Variants in ADARB2 observed in about 807,000 individuals in gnomAD.
ADARB2 encodes inactive double-stranded RNA-specific editase B2.
ADARB2 carries 25 observed loss-of-function variants against 62.2 expected under a neutral mutation model. The observed-to-expected ratio is 0.40, with a 90% CI of 0.29 to 0.56. The LOEUF (loss-of-function observed/expected upper bound fraction) is 0.56. ADARB2 is among the 20% of genes least tolerant of loss of function. ADARB2 has a pLI of 0.43. For missense variants in ADARB2, 1,071 were observed against 1,077.4 expected, an observed-to-expected ratio of 0.99 and a Z score of 0.08; for synonymous variants, 572 against 500.8, an observed-to-expected ratio of 1.14 and a Z score of -1.90.
At chr10:1,487,181 C>T (rs1227405282) in intron 1 of ADARB2, among the ~76,000 whole-genome samples, 2 of 152,240 alleles carry the variant, frequency 1.3e-5, no homozygotes, top group Non-Finnish European at 2.9e-5. Flanking sequence ...GAAAGTCAAA[C>T]CAAATCCATC....
intron 1 of ADARB2, among the ~76,000 whole-genome samples, chr10:1,430,826 A>G (rs993141646): frequency 6.6e-6 from 1 of 152,242 alleles, no homozygotes; most frequent in African/African-American, 2.4e-5. Flanking sequence ...GAGGGAAATT[A>G]TATAATGATA....
intron 6 of ADARB2, among the ~76,000 whole-genome samples, chr10:1,217,677 A>AAGTGTC (rs916568723): frequency 2.6e-5 from 4 of 152,202 alleles, no homozygotes; most frequent in Admixed American, 6.5e-5. Flanking sequence ...AACCTTGGGA[A>AAGTGTC]AGTGTCTCAA....
intron 1 of ADARB2, among the ~76,000 whole-genome samples, chr10:1,462,828 GCATGTGTGTATGTA>G (rs949835042): frequency 2.6e-5 from 4 of 152,174 alleles, no homozygotes; most frequent in Admixed American, 1.3e-4. Context: ...TGTGTAGTGT[GCATGTGTGTATGTA>G]CATGTGTGTA....
At chr10:1,716,845 T>A (rs978766491) in intron 1 of ADARB2, among the ~76,000 whole-genome samples, 17 of 152,146 alleles carry the variant, frequency 1.1e-4, no homozygotes, top group African/African-American at 3.9e-4. Flanking sequence ...GTAGAGAAGA[T>A]CTACAAGAAA....
At chr10:1,461,316 C>T (rs1391176139) in intron 1 of ADARB2, among the ~76,000 whole-genome samples, 3 of 152,190 alleles carry the variant, frequency 2.0e-5, no homozygotes, top group Non-Finnish European at 4.4e-5. Context: ...TTCATCAGAA[C>T]ACGTGTACTT....
intron 3 of ADARB2, among the ~76,000 whole-genome samples, chr10:1,329,978 CG>C (rs1831914100): frequency 7.7e-6 from 1 of 130,274 alleles, no homozygotes; most frequent in African/African-American, 2.9e-5. Context: ...TTAGATAGGA[CG>C]GGAATGTTTT....
At chr10:1,465,061 G>T (rs555863114) in intron 1 of ADARB2, among the ~76,000 whole-genome samples, 5 of 152,220 alleles carry the variant, frequency 3.3e-5, no homozygotes, top group Non-Finnish European at 7.3e-5. Context: ...ACACGACCCA[G>T]CCATGCCCAG....
chr10:1,468,481 G>A (rs551807432), intron 1 of ADARB2, among the ~76,000 whole-genome samples: 5 of 152,280 alleles, frequency 3.3e-5, no homozygotes, highest in African/African-American at 9.6e-5. Flanking sequence ...TCACAGATCC[G>A]GCTGTGGTGC....
At chr10:1,333,766 AGCCGTCTGAGGTGGGATTGCCTGT>A (rs1831949420) in intron 3 of ADARB2, among the ~76,000 whole-genome samples, 1 of 152,154 alleles carries the variant, frequency 6.6e-6, no homozygotes, top group Admixed American at 6.5e-5. Context: ...TGGTGAGAGG[AGCCGTCTGAGGTGGGATTGCCTGT>A]GCCCTCGGTT....
At chr10:1,377,308 G>T (rs1458094172) in intron 2 of ADARB2, among the ~76,000 whole-genome samples, 1 of 147,912 alleles carries the variant, frequency 6.8e-6, no homozygotes. Flanking sequence ...CCTGGGGTGT[G>T]TGTGCACACA....
At chr10:1,187,461 C>T (rs1167374540) in intron 8 of ADARB2, among the ~76,000 whole-genome samples, 1 of 152,260 alleles carries the variant, frequency 6.6e-6, no homozygotes, top group Non-Finnish European at 1.5e-5. Flanking sequence ...CAGGGCCAAC[C>T]ACTGAGGTGC....
intron 1 of ADARB2, among the ~76,000 whole-genome samples, chr10:1,517,823 C>A (rs1157989229): frequency 6.6e-6 from 1 of 152,128 alleles, no homozygotes; most frequent in East Asian, 1.9e-4. Flanking sequence ...CTTAATTTTA[C>A]TAGTCTCTGC....
Position 1,214,905 on chromosome 10 carries a change from GC to G in ADARB2, c.1682+2045del, listed in dbSNP as rs112155669. Among the ~76,000 whole-genome samples the G allele has an allele frequency of 2.1e-3, 316 of 152,348 alleles. 1 individual carries two copies. Among genetic ancestry groups the G allele is most frequent in the African/African-American group, 6.4e-3 (267 of 41,586 alleles). ...ACCCTGTGGCTCCCCAGCCAGGAGT[GC>G]CCAGAGCCAGGAAGGAAAGGGCACC... On this transcript the variant is annotated intron_variant, in intron 7 of 9. Coordinates refer to ENST00000381312, the MANE Select transcript of ADARB2 (RefSeq NM_018702.4).
In ADARB2 at chr10:1,211,385, T is replaced by C. The variant is rs1837149373; in HGVS notation, c.1682+5566A>G. On this transcript the variant is annotated intron_variant, in intron 7 of 9. Coordinates refer to ENST00000381312, the MANE Select transcript of ADARB2 (RefSeq NM_018702.4). ...ATCATCTATCTGTCATCTCTATCCA[T>C]CTATCTGTCTGTCATCTATCGATCT... Among the ~76,000 whole-genome samples, 2 of 152,160 alleles carry C rather than the reference T, an allele frequency of 1.3e-5. 1 individual carries two copies. The highest frequency in any genetic ancestry group is 4.1e-4 in the South Asian group (2 of 4,832).
intron 6 of ADARB2, among the ~76,000 whole-genome samples, chr10:1,226,407 C>T (rs1437820602): frequency 6.6e-6 from 1 of 152,262 alleles, no homozygotes; most frequent in Non-Finnish European, 1.5e-5. Context: ...CTTCTCTGAA[C>T]TCATCAAAGT....
At chr10:1,351,004 T>A (rs1564265487) in intron 3 of ADARB2, among the ~76,000 whole-genome samples, 1 of 152,044 alleles carries the variant, frequency 6.6e-6, no homozygotes, top group Non-Finnish European at 1.5e-5. Context: ...CAGGCCCGTT[T>A]ACCCGAGAAG....
At chr10:1,639,573 A>C (rs1337271799) in intron 1 of ADARB2, among the ~76,000 whole-genome samples, 3 of 152,216 alleles carry the variant, frequency 2.0e-5, no homozygotes, top group Non-Finnish European at 4.4e-5. Flanking sequence ...GGCCGGGCGC[A>C]GTGGCTCACG....
intron 1 of ADARB2, among the ~76,000 whole-genome samples, chr10:1,403,052 C>G (rs1223509078): frequency 6.6e-6 from 1 of 152,204 alleles, no homozygotes; most frequent in African/African-American, 2.4e-5. Flanking sequence ...GCGCCTGGAG[C>G]TCTGCTGGGT....
chr10:1,731,896 T>C (rs555776002), intron 1 of ADARB2, among the ~76,000 whole-genome samples: 13 of 152,350 alleles, frequency 8.5e-5, no homozygotes, highest in African/African-American at 3.1e-4. Flanking sequence ...GGTTTCAAAA[T>C]GGCAATAAGC....
Sources: allele counts gnomAD v4.1 joint callset (sites outside exome capture counted in the v4.1 genomes callset), GRCh38; gene constraint gnomAD v4.1.1; transcripts MANE v1.5; gene names NCBI Gene and HGNC (gene_info 2026-07-23, HGNC 2026-07-21).